MDGA2: variants seen among roughly 807,000 people sequenced by gnomAD.
MDGA2 encodes the protein MAM domain containing glycosylphosphatidylinositol anchor 2.
MDGA2 carries 40 observed loss-of-function variants against 117.8 expected under a neutral mutation model. The ratio of observed to expected loss-of-function variants is 0.34; its 90% confidence interval spans 0.26 to 0.44. MDGA2 has a LOEUF of 0.44. Among genes scored for constraint, MDGA2 ranks in the 20% least tolerant of loss-of-function variants. MDGA2 has a pLI of 1.00. For synonymous variants in MDGA2, 452 were observed against 439.0 expected (o/e 1.03, Z -0.37); for missense variants, 1,123 against 1,250.6 (o/e 0.90, Z 1.54).
intron 1 of MDGA2, among the ~76,000 whole-genome samples, chr14:47,360,234 C>T (rs1465149267): frequency 1.3e-5 from 2 of 151,518 alleles, no homozygotes; most frequent in African/African-American, 4.9e-5. Flanking sequence ...GCCTGTAGTC[C>T]CAGCTACTCG....
At chr14:46,985,102 G>T (rs888091818) in intron 8 of MDGA2, among the ~76,000 whole-genome samples, 11 of 152,056 alleles carry the variant, frequency 7.2e-5, no homozygotes, top group Admixed American at 6.6e-4. Context: ...TGCTCAAGCT[G>T]ATAGCTTCAG....
chr14:47,462,375 C>CAAAAAAA lies in MDGA2; in HGVS notation c.281-160832_281-160826dup, dbSNP rs373508880. ...TGGGCGACAGAGAGAGACTCCGTCCCAAAAAAAAAAAAAAAAAGAAAGAAA... is the reference window on the plus strand; with the variant it reads ...TGGGCGACAGAGAGAGACTCCGTCCCAAAAAAAAAAAAAAAAAAAAAAAAGAAAGAAA... On this transcript the variant is annotated intron_variant, in intron 1 of 16. Coordinates refer to ENST00000399232, the MANE Select transcript of MDGA2 (RefSeq NM_001113498.3). 1.4e-4 allele frequency among the ~76,000 whole-genome samples: 13 copies of CAAAAAAA among 96,030 alleles called. 1 individual carries two copies. The highest frequency in any genetic ancestry group is 1.7e-4 in the Non-Finnish European group (8 of 46,816). 63.0% of individuals were successfully genotyped at this position (96,030 alleles called of 152,430 possible).
At chr14:47,646,533 T>C (rs1897538346) in intron 1 of MDGA2, among the ~76,000 whole-genome samples, 1 of 152,150 alleles carries the variant, frequency 6.6e-6, no homozygotes, top group African/African-American at 2.4e-5. Flanking sequence ...ACCTACTAGT[T>C]GGGTGAACTT....
intron 2 of MDGA2, among the ~76,000 whole-genome samples, chr14:47,252,186 A>T (rs147580938): frequency 1.6e-3 from 250 of 152,284 alleles, no homozygotes; most frequent in Non-Finnish European, 2.6e-3. Context: ...CTTTGATTAA[A>T]GGTAGGATAC....
chr14:47,274,281 G>T (rs1482580840), intron 2 of MDGA2, among the ~76,000 whole-genome samples: 1 of 151,940 alleles, frequency 6.6e-6, no homozygotes. Context: ...TTTACTTTAT[G>T]TCTGTATGGA....
chr14:46,892,643 C>T (rs1882926807), intron 10 of MDGA2, among the ~76,000 whole-genome samples: 1 of 151,848 alleles, frequency 6.6e-6, no homozygotes, highest in Non-Finnish European at 1.5e-5. Context: ...ATAATGAACT[C>T]ATGCAACTCG....
intron 2 of MDGA2, among the ~76,000 whole-genome samples, chr14:47,239,797 C>T (rs528294386): frequency 6.6e-6 from 1 of 151,908 alleles, no homozygotes; most frequent in South Asian, 2.1e-4. Flanking sequence ...TATTTTCCTC[C>T]ACATACACAA....
chr14:47,204,818 A>G (rs1336944996), intron 3 of MDGA2, among the ~76,000 whole-genome samples: 1 of 152,014 alleles, frequency 6.6e-6, no homozygotes, highest in African/African-American at 2.4e-5. Flanking sequence ...TACTACCAAC[A>G]TTATATATTC....
intron 6 of MDGA2, among the ~76,000 whole-genome samples, chr14:47,072,558 A>G (rs1340634097): frequency 6.6e-6 from 1 of 152,176 alleles, no homozygotes; most frequent in African/African-American, 2.4e-5. Context: ...GTGATAGTTT[A>G]AAGTATTGGT....
intron 14 of MDGA2, among the ~76,000 whole-genome samples, chr14:46,863,405 T>C (rs1304683628): frequency 6.6e-6 from 1 of 152,170 alleles, no homozygotes; most frequent in Admixed American, 6.6e-5. Context: ...TTATTCTCTA[T>C]AGAATTCTAA....
chr14:47,321,035 G>A (rs1889964706), intron 1 of MDGA2, among the ~76,000 whole-genome samples: 1 of 152,150 alleles, frequency 6.6e-6, no homozygotes, highest in African/African-American at 2.4e-5. Flanking sequence ...GCAAGGATAT[G>A]ACCGTTCTAG....
intron 3 of MDGA2, among the ~76,000 whole-genome samples, chr14:47,155,167 G>T (rs1245732187): frequency 2.0e-5 from 3 of 152,116 alleles, no homozygotes; most frequent in African/African-American, 7.2e-5. Flanking sequence ...ACCCACTTCA[G>T]GTCTCCTGAG....
intron 3 of MDGA2, among the ~76,000 whole-genome samples, chr14:47,162,556 TC>T (rs1883688184): frequency 1.3e-5 from 2 of 151,602 alleles, no homozygotes; most frequent in Non-Finnish European, 2.9e-5. Flanking sequence ...GGATTTCATA[TC>T]TTTTTGTATT....
chr14:47,183,670 G>A (rs888644330), intron 3 of MDGA2, among the ~76,000 whole-genome samples: 1 of 151,994 alleles, frequency 6.6e-6, no homozygotes, highest in African/African-American at 2.4e-5. Context: ...GCTAGGAATT[G>A]CGCAAAACAT....
chr14:47,052,087 A>G (rs1174858068), intron 7 of MDGA2, among the ~76,000 whole-genome samples: 1 of 151,912 alleles, frequency 6.6e-6, no homozygotes, highest in Non-Finnish European at 1.5e-5. Flanking sequence ...TAACTCTAAT[A>G]CATCATTACT....
chr14:47,308,171 C>T (rs72683816), intron 1 of MDGA2, among the ~76,000 whole-genome samples: 13,534 of 151,994 alleles, frequency 0.089, 730 homozygotes, highest in Non-Finnish European at 0.11. Flanking sequence ...AAAAGATGAA[C>T]GATGTGTGGT....
chr14:47,329,438 GT>G (rs1314479141), intron 1 of MDGA2, among the ~76,000 whole-genome samples: 1 of 152,138 alleles, frequency 6.6e-6, no homozygotes, highest in Middle Eastern at 3.2e-3. Context: ...GTGAACCTTA[GT>G]AGTTCCTAGC....
intron 1 of MDGA2, among the ~76,000 whole-genome samples, chr14:47,314,371 C>G (rs570692868): frequency 9.9e-5 from 15 of 152,220 alleles, no homozygotes; most frequent in African/African-American, 3.6e-4. Context: ...AAGATGTTCT[C>G]AAAATTTTTT....
At chr14:47,572,130 A>G (rs902707743) in intron 1 of MDGA2, among the ~76,000 whole-genome samples, 1 of 152,164 alleles carries the variant, frequency 6.6e-6, no homozygotes, top group South Asian at 2.1e-4. Context: ...AGGCTATTCA[A>G]TCCCATCCCT....
Sources: allele counts gnomAD v4.1 joint callset (sites outside exome capture counted in the v4.1 genomes callset), GRCh38; gene constraint gnomAD v4.1.1; transcripts MANE v1.5; gene names NCBI Gene and HGNC (gene_info 2026-07-23, HGNC 2026-07-21).